PDE1A: variants seen among roughly 807,000 people sequenced by gnomAD.
PDE1A encodes the protein dual specificity calcium/calmodulin-dependent 3',5'-cyclic nucleotide phosphodiesterase 1A.
Under a neutral mutation model 61.7 loss-of-function variants are expected in PDE1A, and 35 were observed. The observed-to-expected ratio is 0.57, with a 90% CI of 0.43 to 0.75. The LOEUF (loss-of-function observed/expected upper bound fraction) is 0.75, where lower values mean the gene tolerates loss of function less well. PDE1A is among the 30% of genes least tolerant of loss of function. The probability of loss-of-function intolerance (pLI) is 0.00; values close to 1 mark genes in which losing one functional copy is unlikely to be tolerated. For missense variants in PDE1A, 597 were observed against 630.6 expected (o/e 0.95, Z 0.57); for synonymous variants, 232 against 213.2 (o/e 1.09, Z -0.77).
the PDE1A span, among the ~76,000 whole-genome samples, chr2:182,580,724 T>C: frequency 6.6e-6 from 1 of 152,308 alleles, no homozygotes; most frequent in South Asian, 2.1e-4. Context: ...AATTTAAATG[T>C]ATTACTAAGA....
intron 1 of PDE1A, among the ~76,000 whole-genome samples, chr2:182,401,431 T>C (rs1209356940): frequency 1.3e-5 from 2 of 152,178 alleles, no homozygotes; most frequent in Admixed American, 6.5e-5. Flanking sequence ...CATATGATTA[T>C]CTCAATAGAT....
At chr2:182,275,295 A>G (rs1382135978) in intron 1 of PDE1A, among the ~76,000 whole-genome samples, 1 of 152,072 alleles carries the variant, frequency 6.6e-6, no homozygotes, top group East Asian at 1.9e-4. Flanking sequence ...ACAGAGAGGG[A>G]GAGGAATGCC....
At chr2:182,603,763 C>A in the PDE1A span, among the ~76,000 whole-genome samples, 1 of 151,938 alleles carries the variant, frequency 6.6e-6, no homozygotes, top group African/African-American at 2.4e-5. Flanking sequence ...AAGTTAAATT[C>A]CTTTTTTAAA....
At chr2:182,228,004 G>C (rs1181604401) in intron 6 of PDE1A, among the ~76,000 whole-genome samples, 2 of 152,088 alleles carry the variant, frequency 1.3e-5, no homozygotes, top group African/African-American at 4.8e-5. Flanking sequence ...CGCAGTGCCA[G>C]GAGCCCTCTA....
intron 2 of PDE1A, among the ~76,000 whole-genome samples, chr2:182,456,272 A>G (rs533194186): frequency 9.5e-4 from 144 of 152,120 alleles, no homozygotes; most frequent in African/African-American, 3.3e-3. Context: ...TGAAGTAGAA[A>G]CTGTTGGGGG....
downstream of PDE1A, among the ~76,000 whole-genome samples, chr2:182,164,675 AGT>A: frequency 6.6e-6 from 1 of 152,062 alleles, no homozygotes; most frequent in Admixed American, 6.6e-5. Context: ...ACTCACCAAG[AGT>A]GATCTGGCTA....
intron 13 of PDE1A, among the ~76,000 whole-genome samples, chr2:182,150,167 G>A (rs1690702057): frequency 6.6e-6 from 1 of 152,110 alleles, no homozygotes; most frequent in Non-Finnish European, 1.5e-5. Flanking sequence ...CATAAATGTT[G>A]ATGCGTATTC....
At chr2:182,419,382 C>G (rs181959679) in intron 1 of PDE1A, among the ~76,000 whole-genome samples, 8 of 147,448 alleles carry the variant, frequency 5.4e-5, no homozygotes, top group African/African-American at 1.5e-4. Flanking sequence ...GTCGCCCAGG[C>G]TGGAGTGCAG....
upstream of PDE1A, among the ~76,000 whole-genome samples, chr2:182,427,747 G>A (rs1007500226): frequency 6.6e-6 from 1 of 152,160 alleles, no homozygotes; most frequent in African/African-American, 2.4e-5. Context: ...GTATTTTAAT[G>A]TAACTTATTT....
intron 1 of PDE1A, among the ~76,000 whole-genome samples, chr2:182,413,834 ATG>A (rs1437249992): frequency 4.6e-5 from 7 of 152,092 alleles, no homozygotes; most frequent in South Asian, 2.1e-4. Flanking sequence ...GGGTGCACAT[ATG>A]TGTGTGTGAT....
chr2:182,543,879 G>A, the PDE1A span, among the ~76,000 whole-genome samples: 1 of 152,128 alleles, frequency 6.6e-6, no homozygotes, highest in Non-Finnish European at 1.5e-5. Flanking sequence ...AGAGCATTAT[G>A]AAGCACCATA....
At chr2:182,504,395 G>A (rs879727078) in intron 2 of PDE1A, among the ~76,000 whole-genome samples, 31 of 152,038 alleles carry the variant, frequency 2.0e-4, no homozygotes, top group Non-Finnish European at 4.0e-4. Context: ...CATAGAATTA[G>A]GAATTTTAAA....
chr2:182,377,673 C>T (rs950178430), intron 1 of PDE1A, among the ~76,000 whole-genome samples: 1 of 152,098 alleles, frequency 6.6e-6, no homozygotes, highest in African/African-American at 2.4e-5. Context: ...CCAGCAGTTC[C>T]ACTCCTTGGT....
rs10931011 is a variant in PDE1A at position 182,414,221 on chromosome 2, T to G, written c.53+12357A>C. Among the ~76,000 whole-genome samples the G allele has an allele frequency of 4.6e-3, 703 of 152,234 alleles. 3 individuals carry two copies. The highest frequency in any genetic ancestry group is 7.6e-3 in the Non-Finnish European group (517 of 67,984). The stretch of plus-strand genomic sequence containing the variant: ...AGATAAATGAATGGAAGGAAGAGAC[T>G]GAATTGTAACTAGATGGAGTAGATA... On this transcript the variant is annotated intron_variant, in intron 1 of 13. Transcript: ENST00000351439.
chr2:182,376,260 A>AT (rs1176973854), intron 1 of PDE1A, among the ~76,000 whole-genome samples: 1 of 152,198 alleles, frequency 6.6e-6, no homozygotes, highest in East Asian at 1.9e-4. Context: ...ACTCTTCTTC[A>AT]TTTTTAAAAT....
the PDE1A span, among the ~76,000 whole-genome samples, chr2:182,704,073 T>C: frequency 2.0e-5 from 3 of 150,564 alleles, no homozygotes; most frequent in Non-Finnish European, 4.4e-5. Context: ...TATCTGGGCG[T>C]GGTGGCAGGC....
intron 1 of PDE1A, among the ~76,000 whole-genome samples, chr2:182,323,794 G>C (rs1249044905): frequency 2.0e-4 from 31 of 152,210 alleles, no homozygotes; most frequent in Admixed American, 2.0e-3. Context: ...TTCTGCCAGA[G>C]GTGTGAGACT....
chr2:182,415,533 T>A (rs144903808), intron 1 of PDE1A, among the ~76,000 whole-genome samples: 22 of 152,274 alleles, frequency 1.4e-4, no homozygotes, highest in African/African-American at 4.8e-4. Context: ...TCTACATCTT[T>A]CTGCTGTCTA....
intron 5 of PDE1A, 46 bp from the exon 6 acceptor site, chr2:182,230,192 T>C (rs757113650): frequency 1.3e-6 from 2 of 1,509,638 alleles, no homozygotes; most frequent in Non-Finnish European, 1.8e-6. Flanking sequence ...AAAAAAGTGG[T>C]ACTAAATCAA....
Sources: allele counts gnomAD v4.1 joint callset (sites outside exome capture counted in the v4.1 genomes callset), GRCh38; gene constraint gnomAD v4.1.1; transcripts MANE v1.5; gene names NCBI Gene and HGNC (gene_info 2026-07-23, HGNC 2026-07-21).